The following PRKN variants were observed in gnomAD, a reference collection of about 807,000 sequenced individuals.
The protein encoded by PRKN is parkin RBR E3 ubiquitin protein ligase, also known as E3 ubiquitin-protein ligase parkin.
Under a neutral mutation model 59.5 loss-of-function variants are expected in PRKN, and 56 were observed. That is an observed-to-expected ratio of 0.94 (90% CI 0.76 to 1.18). The LOEUF is 1.18. Ranked by LOEUF, PRKN falls within the 50% of genes most tolerant of loss-of-function variation. The probability of loss-of-function intolerance (pLI) is 0.00; values close to 1 mark genes in which losing one functional copy is unlikely to be tolerated. For missense variants in PRKN, 657 were observed against 596.4 expected (o/e 1.10, Z -1.06); for synonymous variants, 250 against 222.1 (o/e 1.13, Z -1.12).
At chr6:162,583,314 T>G (rs940859437) in intron 1 of PRKN, among the ~76,000 whole-genome samples, 1 of 152,230 alleles carries the variant, frequency 6.6e-6, no homozygotes, top group Non-Finnish European at 1.5e-5. Context: ...CCATTCTATG[T>G]GGCAAAGGCT....
intron 1 of PRKN, among the ~76,000 whole-genome samples, chr6:162,508,716 C>T (rs971179213): frequency 6.6e-6 from 1 of 152,012 alleles, no homozygotes; most frequent in African/African-American, 2.4e-5. Flanking sequence ...GCATTTTTAC[C>T]CAGCAGCATC....
At chr6:162,565,450 G>A (rs1780023522) in intron 1 of PRKN, among the ~76,000 whole-genome samples, 1 of 152,144 alleles carries the variant, frequency 6.6e-6, no homozygotes, top group Non-Finnish European at 1.5e-5. Flanking sequence ...TTGGAAGGCT[G>A]AGGTGGGCGG....
At chr6:161,748,973 C>CA (rs892098767) in intron 7 of PRKN, among the ~76,000 whole-genome samples, 6 of 152,130 alleles carry the variant, frequency 3.9e-5, no homozygotes, top group Non-Finnish European at 7.4e-5. Flanking sequence ...CAAAACAAAC[C>CA]AACCCGCCGC....
At chr6:162,451,471 T>C (rs1386465317) in intron 1 of PRKN, among the ~76,000 whole-genome samples, 7 of 151,650 alleles carry the variant, frequency 4.6e-5, no homozygotes, top group African/African-American at 1.5e-4. Flanking sequence ...GGCTCACTCC[T>C]AGCAATTTTT....
At chr6:162,232,782 A>G (rs1778478349) in intron 3 of PRKN, among the ~76,000 whole-genome samples, 1 of 152,148 alleles carries the variant, frequency 6.6e-6, no homozygotes, top group Admixed American at 6.6e-5. Flanking sequence ...CCTCCTATGC[A>G]TTTATATGTT....
At chr6:162,267,033 C>G (rs772539385) in intron 2 of PRKN, among the ~76,000 whole-genome samples, 2 of 152,044 alleles carry the variant, frequency 1.3e-5, no homozygotes, top group Admixed American at 1.3e-4. Context: ...CCATGAAACA[C>G]GTGAAGAACC....
At chr6:161,424,656 C>T (rs1788252915) in intron 9 of PRKN, among the ~76,000 whole-genome samples, 1 of 152,160 alleles carries the variant, frequency 6.6e-6, no homozygotes, top group Admixed American at 6.5e-5. Context: ...AACCACAGGA[C>T]ACCTCTAACT....
In PRKN at chr6:162,262,785, A is replaced by T. The variant is rs745932592; in HGVS notation, c.172-20T>A. The T allele has an allele frequency of 2.5e-4, 170 of 670,882 alleles. No homozygotes were observed. Among genetic ancestry groups the T allele is most frequent in the South Asian group, 1.3e-3 (56 of 44,174 alleles). The allele number at this position is 670,882 out of a possible 1,614,324, so 41.6% of individuals were successfully genotyped here. A position where few individuals can be genotyped will look rare whatever the true frequency, so the allele number is the denominator to read the frequency against. On this transcript the variant is annotated intron_variant, in intron 2 of 11. Transcript: ENST00000366898. ...ACAATTCTGTTTGGGAGCAAGGTAA[A>T]AAAAAAAAAAAAAAAAAAGGAAATG...
At chr6:161,599,214 C>T (rs1323228018) in intron 7 of PRKN, among the ~76,000 whole-genome samples, 1 of 152,204 alleles carries the variant, frequency 6.6e-6, no homozygotes, top group African/African-American at 2.4e-5. Context: ...GCCATCCAAG[C>T]TTGTGGCAGA....
At chr6:162,442,919 G>A (rs1320285060) in intron 2 of PRKN, among the ~76,000 whole-genome samples, 3 of 152,110 alleles carry the variant, frequency 2.0e-5, no homozygotes, top group Non-Finnish European at 1.5e-5. Context: ...TCCTCACAGT[G>A]CAGGGACTGA....
intron 6 of PRKN, among the ~76,000 whole-genome samples, chr6:161,924,038 G>A (rs560097206): frequency 3.9e-5 from 6 of 152,230 alleles, no homozygotes; most frequent in East Asian, 3.9e-4. Flanking sequence ...CTGGCGCTTC[G>A]TAGTTATGGG....
intron 2 of PRKN, among the ~76,000 whole-genome samples, chr6:162,361,257 C>T (rs1199652491): frequency 1.3e-5 from 2 of 152,034 alleles, no homozygotes; most frequent in Non-Finnish European, 2.9e-5. Context: ...GGTTATGGAC[C>T]AAAGTGTGTT....
intron 6 of PRKN, among the ~76,000 whole-genome samples, chr6:161,920,797 A>G (rs1001069237): frequency 6.6e-6 from 1 of 152,080 alleles, no homozygotes; most frequent in Non-Finnish European, 1.5e-5. Flanking sequence ...AAAAAAAAAA[A>G]AAAGAAACGT....
At chr6:161,919,995 G>A (rs990205905) in intron 6 of PRKN, among the ~76,000 whole-genome samples, 39 of 152,166 alleles carry the variant, frequency 2.6e-4, no homozygotes, top group African/African-American at 8.7e-4. Context: ...AAACCTAGAT[G>A]GTATCACCTG....
chr6:162,627,867 C>T, intron 1 of PRKN, among the ~76,000 whole-genome samples: 1 of 151,946 alleles, frequency 6.6e-6, no homozygotes, highest in East Asian at 1.9e-4. Context: ...GAGGCCAGGT[C>T]AAGAGTCTAA....
chr6:162,524,113 C>T (rs187349024), intron 1 of PRKN, among the ~76,000 whole-genome samples: 138 of 152,176 alleles, frequency 9.1e-4, no homozygotes, highest in African/African-American at 3.2e-3. Flanking sequence ...AAATGAAAAA[C>T]AAATATGCTT....
chr6:161,589,776 T>C (rs1176565319), intron 7 of PRKN, among the ~76,000 whole-genome samples: 11 of 141,456 alleles, frequency 7.8e-5, no homozygotes. Context: ...AAGGATTAAA[T>C]TCTTTTTTTT....
chr6:161,438,672 A>G (rs1789045343), intron 9 of PRKN, among the ~76,000 whole-genome samples: 2 of 152,170 alleles, frequency 1.3e-5, no homozygotes, highest in Non-Finnish European at 2.9e-5. Flanking sequence ...GGAAACCGAG[A>G]GAGAGAAGAA....
chr6:162,365,878 C>G (rs1454783972), intron 2 of PRKN, among the ~76,000 whole-genome samples: 1 of 152,122 alleles, frequency 6.6e-6, no homozygotes, highest in Non-Finnish European at 1.5e-5. Context: ...TTTATTAGAA[C>G]AATGTCTGCC....
Sources: gnomAD v4.1 joint callset for allele counts (sites outside exome capture counted in the v4.1 genomes callset) on GRCh38, gnomAD v4.1.1 for gene constraint, MANE v1.5 for transcripts, NCBI Gene and HGNC (gene_info 2026-07-23, HGNC 2026-07-21) for gene names.